The following GALNT2 variants were observed in gnomAD, a reference collection of about 807,000 sequenced individuals.
GALNT2 encodes polypeptide N-acetylgalactosaminyltransferase 2.
Under a neutral mutation model 81.4 loss-of-function variants are expected in GALNT2, and 31 were observed. The observed-to-expected ratio is 0.38, with a 90% CI of 0.29 to 0.51. GALNT2 has a LOEUF of 0.51. Ranked by LOEUF, GALNT2 falls within the 20% of genes least tolerant of loss-of-function variation. The probability of loss-of-function intolerance (pLI) is 0.87; values close to 1 mark genes in which losing one functional copy is unlikely to be tolerated. For missense variants in GALNT2, 629 were observed against 765.7 expected, an observed-to-expected ratio of 0.82 and a Z score of 2.11; for synonymous variants, 303 against 287.4, an observed-to-expected ratio of 1.05 and a Z score of -0.55.
intron 1 of GALNT2, among the ~76,000 whole-genome samples, chr1:230,072,371 C>CG (rs113379046): frequency 0.14 from 7,595 of 55,212 alleles, 626 homozygotes; most frequent in African/African-American, 0.33. Context: ...GCGGGGGTGG[C>CG]GGGGGGTGCG....
At chr1:230,203,570 C>T (rs1663972964) in intron 3 of GALNT2, among the ~76,000 whole-genome samples, 1 of 152,170 alleles carries the variant, frequency 6.6e-6, no homozygotes, top group South Asian at 2.1e-4. Flanking sequence ...AGTTGTGTGA[C>T]TGGCTTTATA....
At chr1:230,209,041 TAA>T (rs112253499) in intron 3 of GALNT2, among the ~76,000 whole-genome samples, 3 of 143,850 alleles carry the variant, frequency 2.1e-5, no homozygotes, top group Non-Finnish European at 3.1e-5. Flanking sequence ...CCCCATTAGT[TAA>T]AAAAAAAAAA....
intron 1 of GALNT2, among the ~76,000 whole-genome samples, chr1:230,119,146 A>G (rs376222307): frequency 9.9e-5 from 15 of 152,272 alleles, no homozygotes; most frequent in African/African-American, 3.6e-4. Flanking sequence ...ATTTTTCTTA[A>G]TTCAGGATTT....
upstream of GALNT2, among the ~76,000 whole-genome samples, chr1:230,064,817 G>C (rs761652107): frequency 2.0e-5 from 3 of 152,144 alleles, no homozygotes; most frequent in Non-Finnish European, 2.9e-5. Flanking sequence ...CAGCCTGCCT[G>C]GCACTTTTGT....
intron 1 of GALNT2, among the ~76,000 whole-genome samples, chr1:230,113,909 G>T (rs910295971): frequency 4.7e-5 from 7 of 148,282 alleles, no homozygotes; most frequent in Non-Finnish European, 1.0e-4. Flanking sequence ...TTTGTTTTTT[G>T]TTTTTTTTTT....
Position 230,067,349 on chromosome 1 carries a change from G to T in GALNT2, c.69G>T (p.Met23Ile). ...GGGTGCTGGGCATCGCCTACTACAT[G>T]TACTCGGGGGGCGGCTCTGCGCTGG... ...FLWVLGIAYY[M>I]YSGGGSALAG... Residue 23 changes from methionine to isoleucine, a missense_variant, in exon 1 of 16, where the codon ATG (methionine) becomes ATT (isoleucine). By Grantham distance (10) the Met-to-Ile change is conservative (BLOSUM62 1). Coordinates refer to ENST00000366672, the MANE Select transcript of GALNT2 (RefSeq NM_004481.5). The T allele has an allele frequency of 7.3e-7, 1 of 1,374,614 alleles. No individual in the cohort carries two copies. Among genetic ancestry groups the T allele is most frequent in the Non-Finnish European group, 9.5e-7 (1 of 1,051,452 alleles). 85.2% of individuals were successfully genotyped at this position (1,374,614 alleles called of 1,614,324 possible). A position where few individuals can be genotyped will look rare whatever the true frequency, so the allele number is the denominator to read the frequency against.
chr1:230,098,038 T>C (rs1660299552), intron 1 of GALNT2, among the ~76,000 whole-genome samples: 1 of 152,210 alleles, frequency 6.6e-6, no homozygotes, highest in Non-Finnish European at 1.5e-5. Context: ...GTATTCTGGG[T>C]AGGTAGACAT....
intron 1 of GALNT2, among the ~76,000 whole-genome samples, chr1:230,061,192 A>ATG (rs58105454): frequency 0.13 from 19,298 of 148,782 alleles, 1,510 homozygotes; most frequent in East Asian, 0.31. Context: ...ATGAGCATAG[A>ATG]TGTGTGTGTG....
rs1391921578 is a variant in GALNT2, at chr1:230,271,342, A to G, written c.1441-3103A>G. ...GGAAAAAAGCTGCTTTTCCTCCTTT[A>G]TACTCTCACAAAACTTCTCACCTCT... is the stretch of plus-strand genomic sequence containing the variant. On this transcript the variant is annotated intron_variant, in intron 14 of 15. Transcript: ENST00000366672. This position sits in a 1 kb window ranked among gnomAD's most constrained non-coding sequence, Gnocchi z 4.2. Among the ~76,000 whole-genome samples, 1 of 152,166 alleles carries G rather than the reference A, an allele frequency of 6.6e-6. No individual in the cohort carries two copies. The highest frequency in any genetic ancestry group is 2.4e-5 in the African/African-American group (1 of 41,448).
chr1:230,235,480 A>T (rs141647166), intron 3 of GALNT2, among the ~76,000 whole-genome samples: 1 of 152,114 alleles, frequency 6.6e-6, no homozygotes, highest in Non-Finnish European at 1.5e-5. Flanking sequence ...GTATTTGGGG[A>T]TGGCCTTCCA....
At chr1:230,064,971 G>A (rs921102717), upstream of GALNT2, among the ~76,000 whole-genome samples, 10 of 152,228 alleles carry the variant, frequency 6.6e-5, no homozygotes, top group African/African-American at 2.4e-4. Flanking sequence ...ATATTTAGGA[G>A]TTGATAATTC....
chr1:230,258,816 T>G (rs1665794086), intron 11 of GALNT2: 1 of 152,224 alleles, frequency 6.6e-6, no homozygotes, highest in Non-Finnish European at 1.5e-5. Context: ...ATTCTTTATA[T>G]AGACATATCA....
intron 1 of GALNT2, among the ~76,000 whole-genome samples, chr1:230,105,035 C>G (rs1660502457): frequency 1.3e-5 from 2 of 152,236 alleles, no homozygotes; most frequent in Admixed American, 6.5e-5. Context: ...ACCTTCGGCT[C>G]TGTTTGGGGC....
intron 3 of GALNT2, among the ~76,000 whole-genome samples, chr1:230,211,852 T>C (rs1488582325): frequency 3.9e-5 from 6 of 152,218 alleles, no homozygotes; most frequent in Non-Finnish European, 8.8e-5. Context: ...TGATGTCGTA[T>C]ACCAGTTCCC....
At chr1:230,115,006 C>CT (rs10666711) in intron 1 of GALNT2, among the ~76,000 whole-genome samples, 10,932 of 129,266 alleles carry the variant, frequency 0.085, 767 homozygotes, top group African/African-American at 0.16. Context: ...AGGGTTCACT[C>CT]TTTTTTTTTT....
At chr1:230,141,460 C>T (rs924163059) in intron 1 of GALNT2, among the ~76,000 whole-genome samples, 11 of 152,184 alleles carry the variant, frequency 7.2e-5, no homozygotes, top group Non-Finnish European at 4.4e-5. Flanking sequence ...CTCCCCTCCC[C>T]TCCCCCTGGC....
At chr1:230,124,385 G>A (rs1265696479) in intron 1 of GALNT2, among the ~76,000 whole-genome samples, 5 of 152,136 alleles carry the variant, frequency 3.3e-5, no homozygotes, top group African/African-American at 7.2e-5. Context: ...ATCTGTGGTC[G>A]TACTGGACTT....
chr1:230,124,689 C>T (rs1421281985), intron 1 of GALNT2, among the ~76,000 whole-genome samples: 1 of 152,198 alleles, frequency 6.6e-6, no homozygotes. Context: ...ATAAAAGCCA[C>T]AGTCTTGGAA....
intron 1 of GALNT2, among the ~76,000 whole-genome samples, chr1:230,121,065 C>G (rs894941965): frequency 3.9e-5 from 6 of 152,214 alleles, no homozygotes; most frequent in Middle Eastern, 3.2e-3. Context: ...CTGCTGGCCA[C>G]GTACCCTTTC....
Sources: gnomAD v4.1 joint callset for allele counts (sites outside exome capture counted in the v4.1 genomes callset) on GRCh38, gnomAD v4.1.1 for gene constraint, Gnocchi (gnomAD v3.1) non-coding constraint, MANE v1.5 for transcripts, NCBI Gene and HGNC (gene_info 2026-07-23, HGNC 2026-07-21) for gene names.